PCDHGA3: variants seen among roughly 807,000 people sequenced by gnomAD.
PCDHGA3 encodes protocadherin gamma subfamily A, 3.
PCDHGA3 carries 40 observed loss-of-function variants against 58.5 expected under a neutral mutation model. That is an observed-to-expected ratio of 0.68 (90% CI 0.53 to 0.89). The LOEUF (loss-of-function observed/expected upper bound fraction) is 0.89, where lower values mean the gene tolerates loss of function less well. Ranked by LOEUF, PCDHGA3 falls within the 40% of genes least tolerant of loss-of-function variation. The pLI is 0.00. For synonymous variants in PCDHGA3, 530 were observed against 525.7 expected (o/e 1.01, Z -0.11); for missense variants, 1,223 against 1,195.9 (o/e 1.02, Z -0.33).
At chr5:141,402,765 C>T (rs2150942715) in intron 1 of PCDHGA3, among the ~76,000 whole-genome samples, 1 of 152,322 alleles carries the variant, frequency 6.6e-6, no homozygotes, top group Admixed American at 6.5e-5. Flanking sequence ...ATCAGGACTC[C>T]ATCCGGATTT....
chr5:141,370,748 T>C (rs769655229), intron 1 of PCDHGA3: 2 of 1,613,824 alleles, frequency 1.2e-6, no homozygotes, highest in Non-Finnish European at 8.5e-7. Context: ...ACTTTTTTCA[T>C]GTAACTGTGC....
chr5:141,355,488 C>G (rs1340330699), intron 1 of PCDHGA3: 1 of 1,614,004 alleles, frequency 6.2e-7, no homozygotes, highest in Non-Finnish European at 8.5e-7. Context: ...AGGAGCTCTG[C>G]GACAGATCTC....
Position 141,491,265 on chromosome 5 carries a change from CA to C in PCDHGA3, c.2425-3539del. ...AGGATGAGGACCCTGAGGAAATGCC[CA>C]AATCCAGTGACTTCCTCATACACCC... On this transcript the variant is annotated intron_variant, in intron 1 of 3. Coordinates refer to ENST00000253812, the MANE Select transcript of PCDHGA3 (RefSeq NM_018916.4). This position sits in a 1 kb window ranked among gnomAD's most constrained non-coding sequence, Gnocchi z 6.9. 1 of 1,614,074 alleles carries C rather than the reference CA, an allele frequency of 6.2e-7. No individual in the cohort carries two copies.
At chr5:141,404,601 T>G (rs2094545274) in intron 1 of PCDHGA3, 2 of 1,614,056 alleles carry the variant, frequency 1.2e-6, no homozygotes, top group Admixed American at 1.7e-5. Context: ...TCATTGAGAC[T>G]GTTTGTTTTG....
At chr5:141,401,656 T>G (rs1400500695) in intron 1 of PCDHGA3, among the ~76,000 whole-genome samples, 1 of 152,248 alleles carries the variant, frequency 6.6e-6, no homozygotes, top group East Asian at 1.9e-4. Context: ...AATGACTGGA[T>G]GTTTTCTCAA....
intron 1 of PCDHGA3, among the ~76,000 whole-genome samples, chr5:141,481,153 A>G (rs1376488411): frequency 2.0e-5 from 3 of 152,224 alleles, no homozygotes; most frequent in Non-Finnish European, 4.4e-5. Context: ...TTATTCTGGT[A>G]TTTGCAGAAC....
intron 1 of PCDHGA3, chr5:141,384,872 T>C (rs773444317): frequency 1.9e-6 from 3 of 1,613,766 alleles, no homozygotes; most frequent in Non-Finnish European, 1.7e-6. Flanking sequence ...TCAGCCACCG[T>C]CACACTCACC....
intron 1 of PCDHGA3, among the ~76,000 whole-genome samples, chr5:141,425,045 C>T (rs1374682125): frequency 6.6e-6 from 1 of 152,136 alleles, no homozygotes; most frequent in East Asian, 1.9e-4. Context: ...TGTAAACTGA[C>T]TATCTAGGGC....
chr5:141,427,974 G>T, intron 1 of PCDHGA3: 1 of 1,594,576 alleles, frequency 6.3e-7, no homozygotes, highest in South Asian at 1.1e-5. Flanking sequence ...GCTGTACCCC[G>T]CGCTGGGGCC....
intron 1 of PCDHGA3, among the ~76,000 whole-genome samples, chr5:141,451,072 C>A (rs2098705989): frequency 6.6e-6 from 1 of 152,026 alleles, no homozygotes; most frequent in African/African-American, 2.4e-5. Context: ...TTGTGATCCA[C>A]CCACCTTGAC....
chr5:141,355,170 G>T (rs200043254), intron 1 of PCDHGA3: 1 of 1,569,780 alleles, frequency 6.4e-7, no homozygotes, highest in Non-Finnish European at 8.6e-7. Flanking sequence ...AGGGAAAACC[G>T]AAGCACAGGC....
At chr5:141,399,590 T>C (rs1369616193) in intron 1 of PCDHGA3, 5 of 1,613,854 alleles carry the variant, frequency 3.1e-6, no homozygotes, top group Admixed American at 3.3e-5. Flanking sequence ...TACTCTATCA[T>C]GGCCAGCGAC....
At chr5:141,448,990 T>C (rs1419678645) in intron 1 of PCDHGA3, among the ~76,000 whole-genome samples, 1 of 152,070 alleles carries the variant, frequency 6.6e-6, no homozygotes, top group Non-Finnish European at 1.5e-5. Flanking sequence ...TATTAATATA[T>C]AGAAAGCTGT....
chr5:141,485,314 T>G lies in PCDHGA3; in HGVS notation c.2425-9493T>G. Reference sequence around the variant, plus strand: ...CACAGGAAGGGACTTTTGTAGGGAATGTCGCTCAAGATTTCCTGCTGGATA... The same window carrying G: ...CACAGGAAGGGACTTTTGTAGGGAAGGTCGCTCAAGATTTCCTGCTGGATA... On this transcript the variant is annotated intron_variant, in intron 1 of 3. Coordinates refer to ENST00000253812, the MANE Select transcript of PCDHGA3 (RefSeq NM_018916.4). This position sits in a 1 kb window ranked among gnomAD's most constrained non-coding sequence, Gnocchi z 5.7. 1 of 1,614,150 alleles carries G rather than the reference T, an allele frequency of 6.2e-7. No individual in the cohort carries two copies. The highest frequency in any genetic ancestry group is 8.5e-7 in the Non-Finnish European group (1 of 1,180,032).
At chr5:141,436,173 A>T (rs556225963) in intron 1 of PCDHGA3, among the ~76,000 whole-genome samples, 1 of 152,302 alleles carries the variant, frequency 6.6e-6, no homozygotes, top group East Asian at 1.9e-4. Context: ...GACAGTTCTC[A>T]TATATAGTCA....
chr5:141,355,074 C>A, intron 1 of PCDHGA3: 1 of 1,383,750 alleles, frequency 7.2e-7, no homozygotes, highest in East Asian at 2.4e-5. Context: ...TTTATGAAAG[C>A]TTCAAGCGGA....
chr5:141,479,568 G>A (rs553213095), intron 1 of PCDHGA3: 2 of 152,346 alleles, frequency 1.3e-5, no homozygotes, highest in East Asian at 3.9e-4. Context: ...GTAGTGGGAT[G>A]ACATCTGTGA....
intron 1 of PCDHGA3, chr5:141,392,870 G>C: frequency 6.2e-7 from 1 of 1,613,226 alleles, no homozygotes; most frequent in Non-Finnish European, 8.5e-7. Context: ...TGTGCGCGCT[G>C]CTGGGAACGC....
Position 141,485,931 on chromosome 5 carries a change from A to C in PCDHGA3, c.2425-8876A>C, listed in dbSNP as rs761979804. 3 of 1,614,192 alleles carry C rather than the reference A, an allele frequency of 1.9e-6. No individual in the cohort carries two copies. In the South Asian group the frequency reaches 3.3e-5, roughly 18 times the overall value. On this transcript the variant is annotated intron_variant, in intron 1 of 3. Transcript: ENST00000253812. This position sits in a 1 kb window ranked among gnomAD's most constrained non-coding sequence, Gnocchi z 5.7. Reference sequence around the variant, plus strand: ...TCCAGCTACAGGATTAGTGTGTTGGAGAGCGCACCAGCGGGCATGGTGCTC... The same window carrying C: ...TCCAGCTACAGGATTAGTGTGTTGGCGAGCGCACCAGCGGGCATGGTGCTC...
Sources: allele counts gnomAD v4.1 joint callset (sites outside exome capture counted in the v4.1 genomes callset), GRCh38; gene constraint gnomAD v4.1.1; non-coding constraint Gnocchi (gnomAD v3.1); transcripts MANE v1.5; gene names NCBI Gene and HGNC (gene_info 2026-07-23, HGNC 2026-07-21).